SHROOM4: variants seen among roughly 807,000 people sequenced by gnomAD.
SHROOM4 encodes the protein shroom family member 4, also known as protein Shroom4.
A neutral mutation model predicts 80.3 loss-of-function variants in SHROOM4; 17 were observed. The observed-to-expected ratio is 0.21, with a 90% confidence interval of 0.14 to 0.32. SHROOM4 has a LOEUF of 0.32. Ranked by LOEUF, SHROOM4 falls within the 10% of genes least tolerant of loss-of-function variation. The pLI is 1.00. For missense variants in SHROOM4, 993 were observed against 1,140.3 expected (o/e 0.87, Z 1.86); for synonymous variants, 400 against 437.5 (o/e 0.91, Z 1.07).
intron 2 of SHROOM4, among the ~76,000 whole-genome samples, chrX:50,656,895 TTTTA>T (rs1205314558): frequency 4.5e-5 from 5 of 111,108 alleles, no homozygotes; most frequent in Admixed American, 3.8e-4. Flanking sequence ...TATCTTTATT[TTTTA>T]TTTATTTGTC....
In SHROOM4 at chrX:50,607,728, T is replaced by TTCCTCCTCCTCC; in HGVS notation, c.3402_3413dup (p.Glu1148_Glu1151dup). On this transcript the variant is annotated inframe_insertion, in exon 6 of 9. Coordinates refer to ENST00000376020, the MANE Select transcript of SHROOM4 (RefSeq NM_020717.5). Reference sequence around the variant, plus strand: ...CTTCCTCTTCCTCTTCTTCTTCTTCTTCCTCCTCCTCCTCCTCCTCCTGTT... The same window carrying TTCCTCCTCCTCC: ...CTTCCTCTTCCTCTTCTTCTTCTTCTTCCTCCTCCTCCTCCTCCTCCTCCTCCTCCTCCTGTT... The TTCCTCCTCCTCC allele has an allele frequency of 8.9e-7, 1 of 1,120,726 alleles. No homozygotes were observed. The highest frequency in any genetic ancestry group is 1.2e-6 in the Non-Finnish European group (1 of 827,786). The allele number at this position is 1,120,726 out of a possible 1,213,427, so 92.4% of individuals were successfully genotyped here. A position where few individuals can be genotyped will look rare whatever the true frequency, so the allele number is the denominator to read the frequency against.
intron 1 of SHROOM4, among the ~76,000 whole-genome samples, chrX:50,776,748 G>A (rs1158124537): frequency 9.2e-6 from 1 of 109,139 alleles, no homozygotes; most frequent in African/African-American, 3.3e-5. Flanking sequence ...GAGTGCAGTG[G>A]CATGATCATG....
chrX:50,724,235 G>T lies in SHROOM4; in HGVS notation c.118-28298C>A, dbSNP rs150505404. On this transcript the variant is annotated intron_variant, in intron 1 of 8. Transcript: ENST00000376020. Reference sequence around the variant, plus strand: ...CAGAAGAAGAGAGCCATGAGCCAAGGAATATGGGCAACCTCTAGAAGCTAA... The same window carrying T: ...CAGAAGAAGAGAGCCATGAGCCAAGTAATATGGGCAACCTCTAGAAGCTAA... 4.5e-5 allele frequency among the ~76,000 whole-genome samples: 5 copies of T among 111,407 alleles called. No individual in the cohort carries two copies. In the East Asian group the frequency reaches 8.5e-4, roughly 19 times the overall value.
rs1034633811 is a variant in SHROOM4, at chrX:50,634,746, G to A, written c.1327C>T (p.His443Tyr). ...TGCAAAGGGGACAGAGTCCACTGGT[G>A]CCCATCCTGTACGGGTGGGAGCTCC... ...GMELPPVQDG[H>Y]QWTLSPLHSS... Residue 443 changes from histidine (H) to tyrosine (Y), a missense_variant, in exon 4 of 9, where the codon CAC becomes TAC. Coordinates refer to ENST00000376020, the MANE Select transcript of SHROOM4 (RefSeq NM_020717.5). 1 of 1,211,642 alleles carries A rather than the reference G, an allele frequency of 8.3e-7. No individual in the cohort carries two copies. The highest frequency in any genetic ancestry group is 2.2e-5 in the Admixed American group (1 of 46,074).
At chrX:50,801,291 A>AGAGAGAGAGAGAGAGAGAGAAC (rs782711842) in intron 1 of SHROOM4, among the ~76,000 whole-genome samples, 1 of 103,518 alleles carries the variant, frequency 9.7e-6, no homozygotes, top group African/African-American at 3.6e-5. Context: ...AGAGAGAGAG[A>AGAGAGAGAGAGAGAGAGAGAAC]ACACGTACTG....
chrX:50,749,503 G>A (rs1934857737), intron 1 of SHROOM4, among the ~76,000 whole-genome samples: 1 of 111,611 alleles, frequency 9.0e-6, no homozygotes, highest in Non-Finnish European at 1.9e-5. Flanking sequence ...TCCCTGTATA[G>A]AGCAATGGGA....
chrX:50,753,871 G>A (rs1557268210), intron 1 of SHROOM4, among the ~76,000 whole-genome samples: 3 of 111,275 alleles, frequency 2.7e-5, no homozygotes, highest in African/African-American at 6.5e-5. Context: ...TTTTGCTTTC[G>A]GTATTTGAGA....
At chrX:50,662,427 G>A (rs1478398065) in intron 2 of SHROOM4, among the ~76,000 whole-genome samples, 1 of 110,433 alleles carries the variant, frequency 9.1e-6, no homozygotes, top group African/African-American at 3.3e-5. Flanking sequence ...CGTGAACCTG[G>A]GAGGCAGAGG....
intron 1 of SHROOM4, among the ~76,000 whole-genome samples, chrX:50,738,758 G>T (rs1557266934): frequency 1.8e-5 from 2 of 111,436 alleles, no homozygotes; most frequent in Non-Finnish European, 3.8e-5. Context: ...TACTGCCCAA[G>T]GTAATTTATA....
At position 50,813,941 on chromosome X, in the gene SHROOM4, C is replaced by T. The variant is rs782647367; in HGVS notation, c.78G>A (p.Lys26=). Residue 26 remains lysine (K), a synonymous_variant, in exon 1 of 9, where the codon AAG becomes AAA. Transcript: ENST00000376020. ...QGGAPWGFTL[K]GGLEHCEPLT... ...GCGGCTCACAGTGTTCCAGACCCCC[C>T]TTAAGGGTGAAGCCCCAGGGTGCCC... 2 of 1,207,703 alleles carry T rather than the reference C, an allele frequency of 1.7e-6. No individual in the cohort carries two copies. Among genetic ancestry groups the T allele is most frequent in the South Asian group, 3.6e-5 (2 of 56,338 alleles).
Position 50,594,336 on chromosome X carries a change from T to G in SHROOM4, c.*2359A>C, listed in dbSNP as rs1457040550. ...ACCAAGCTTCACTGCTAGATATACT[T>G]TTGGGGTTATTTTTTAAATGCTTTG... On this transcript the variant is annotated 3_prime_UTR_variant, in exon 9 of 9. Coordinates refer to ENST00000376020, the MANE Select transcript of SHROOM4 (RefSeq NM_020717.5). 2.7e-5 allele frequency: 3 copies of G among 112,345 alleles called. No homozygotes were observed. The highest frequency in any genetic ancestry group is 9.7e-5 in the African/African-American group (3 of 30,923). 9.3% of individuals were successfully genotyped at this position (112,345 alleles called of 1,213,427 possible).
Position 50,596,898 on chromosome X carries a change from G to A in SHROOM4, c.4279C>T (p.His1427Tyr), listed in dbSNP as rs1929139897. The A allele has an allele frequency of 8.3e-7, 1 of 1,209,672 alleles. No homozygotes were observed. The highest frequency in any genetic ancestry group is 1.8e-5 in the South Asian group (1 of 56,505). The part of the protein sequence containing the change: ...QLADAKELKE[H>Y]VDRREKLVFG... ...ACCAACTTCTCCCGGCGGTCCACGTGCTCCTTCAGCTCCTTGGCATCTGCC... is the reference window on the plus strand; with the variant it reads ...ACCAACTTCTCCCGGCGGTCCACGTACTCCTTCAGCTCCTTGGCATCTGCC... Residue 1427 changes from histidine to tyrosine, a missense_variant, in exon 9 of 9, where the codon CAC (histidine) becomes TAC (tyrosine). Physicochemically the swap from His to Tyr is moderately conservative, Grantham distance 83 (BLOSUM62 2). Coordinates refer to ENST00000376020, the MANE Select transcript of SHROOM4 (RefSeq NM_020717.5).
chrX:50,643,398 G>A (rs981577103), intron 2 of SHROOM4: 5 of 111,136 alleles, frequency 4.5e-5, no homozygotes, highest in Admixed American at 1.9e-4. Flanking sequence ...TCCAGCCAGC[G>A]TCCTCCCTTA....
intron 1 of SHROOM4, among the ~76,000 whole-genome samples, chrX:50,735,012 T>G (rs970424872): frequency 9.0e-6 from 1 of 110,785 alleles, no homozygotes; most frequent in Non-Finnish European, 1.9e-5. Context: ...CCTTTATAAG[T>G]TACCCAGTCT....
At chrX:50,672,873 G>C (rs182814532) in intron 2 of SHROOM4, among the ~76,000 whole-genome samples, 1 of 112,025 alleles carries the variant, frequency 8.9e-6, no homozygotes, top group East Asian at 2.8e-4. Context: ...GCCAGAGGAA[G>C]TGGCACAATA....
rs1347866735 is a variant in SHROOM4 at position 50,760,968 on chromosome X, C to T, written c.117+52934G>A. ...ATATTTTCTGTCCCTTCTTTACCGC[C>T]TTGTTTTGTATGAAATAGGTATTTT... is the stretch of plus-strand genomic sequence containing the variant. On this transcript the variant is annotated intron_variant, in intron 1 of 8. Coordinates refer to ENST00000376020, the MANE Select transcript of SHROOM4 (RefSeq NM_020717.5). Among the ~76,000 whole-genome samples, 3 of 111,495 alleles carry T rather than the reference C, an allele frequency of 2.7e-5. No individual in the cohort carries two copies. The Admixed American group carries it at 2.9e-4, about 11-fold the overall frequency.
chrX:50,720,163 G>C (rs1359544841), intron 1 of SHROOM4, among the ~76,000 whole-genome samples: 1 of 111,502 alleles, frequency 9.0e-6, no homozygotes, highest in Admixed American at 9.5e-5. Flanking sequence ...CTGAGGCTTG[G>C]GGGCAAGACA....
intron 1 of SHROOM4, among the ~76,000 whole-genome samples, chrX:50,774,995 T>C (rs1361965157): frequency 8.9e-6 from 1 of 112,105 alleles, no homozygotes; most frequent in Non-Finnish European, 1.9e-5. Flanking sequence ...GACACTCATG[T>C]CTTGAATTAC....
In SHROOM4 at chrX:50,633,498, CTGAG is replaced by C; in HGVS notation, c.2571_2574del (p.Tyr857Ter). On this transcript the variant is annotated frameshift_variant, in exon 4 of 9. Coordinates refer to ENST00000376020, the MANE Select transcript of SHROOM4 (RefSeq NM_020717.5). LOFTEE classifies it high-confidence loss of function. ...TCTAGACCTTTGCTTGCAAAACATT[CTGAG>C]TAAGTGGGAGTTTCTGACTGAAGGG... 8.3e-7 allele frequency: 1 copy of C among 1,211,615 alleles called. No homozygotes were observed. Among genetic ancestry groups the C allele is most frequent in the Non-Finnish European group, 1.1e-6 (1 of 895,541 alleles).
Sources: gnomAD v4.1 joint callset for allele counts (sites outside exome capture counted in the v4.1 genomes callset) on GRCh38, gnomAD v4.1.1 for gene constraint, MANE v1.5 for transcripts, NCBI Gene and HGNC (gene_info 2026-07-23, HGNC 2026-07-21) for gene names.